NRXN3: variants seen among roughly 807,000 people sequenced by gnomAD.
NRXN3 encodes neurexin III.
A neutral mutation model predicts 137.6 loss-of-function variants in NRXN3; 32 were observed. That is an observed-to-expected ratio of 0.23 (90% CI 0.18 to 0.31). The LOEUF (loss-of-function observed/expected upper bound fraction) is 0.31. Ranked by LOEUF, NRXN3 falls within the 10% of genes least tolerant of loss-of-function variation. NRXN3 has a pLI of 1.00. For synonymous variants in NRXN3, 798 were observed against 784.5 expected, an observed-to-expected ratio of 1.02 and a Z score of -0.29; for missense variants, 1,574 against 2,062.5, an observed-to-expected ratio of 0.76 and a Z score of 4.59.
At chr14:78,963,904 T>A (rs1204046578) in intron 11 of NRXN3, among the ~76,000 whole-genome samples, 2 of 152,106 alleles carry the variant, frequency 1.3e-5, no homozygotes, top group East Asian at 3.9e-4. Context: ...TAGTTAGCAC[T>A]ATAGGTACAT....
At chr14:78,314,200 G>A (rs1320474757) in intron 4 of NRXN3, among the ~76,000 whole-genome samples, 1 of 152,184 alleles carries the variant, frequency 6.6e-6, no homozygotes, top group Admixed American at 6.5e-5. Flanking sequence ...CTTGTGGTTT[G>A]TTTCTCTGTT....
At chr14:79,444,675 T>A (rs1315146585) in intron 15 of NRXN3, among the ~76,000 whole-genome samples, 3 of 152,128 alleles carry the variant, frequency 2.0e-5, no homozygotes, top group African/African-American at 7.2e-5. Context: ...TTCCTTTTTT[T>A]AAATTAGCTG....
At chr14:79,676,974 G>A (rs1195012870) in intron 17 of NRXN3, among the ~76,000 whole-genome samples, 2 of 152,052 alleles carry the variant, frequency 1.3e-5, no homozygotes, top group Non-Finnish European at 2.9e-5. Context: ...ATATTAAACT[G>A]TACAACTGAG....
chr14:78,415,764 G>T (rs2093100936), intron 4 of NRXN3, among the ~76,000 whole-genome samples: 1 of 151,966 alleles, frequency 6.6e-6, no homozygotes, highest in Non-Finnish European at 1.5e-5. Flanking sequence ...CATGACATTG[G>T]AGCACTTATG....
At chr14:79,837,732 G>C (rs982518260) in intron 20 of NRXN3, among the ~76,000 whole-genome samples, 1 of 152,064 alleles carries the variant, frequency 6.6e-6, no homozygotes, top group African/African-American at 2.4e-5. Context: ...CTTGCTTTTG[G>C]ATTCTTTCTA....
chr14:78,836,261 C>T (rs138542487), intron 10 of NRXN3, among the ~76,000 whole-genome samples: 1 of 152,292 alleles, frequency 6.6e-6, no homozygotes, highest in East Asian at 1.9e-4. Flanking sequence ...TATTATCTGC[C>T]ATGATGGGGA....
chr14:78,705,140 A>T (rs934960588), intron 6 of NRXN3, among the ~76,000 whole-genome samples: 1 of 152,032 alleles, frequency 6.6e-6, no homozygotes, highest in African/African-American at 2.4e-5. Context: ...CCCCATGGGG[A>T]GCCGTTTCTA....
intron 15 of NRXN3, among the ~76,000 whole-genome samples, chr14:79,092,080 T>G (rs2049305476): frequency 6.6e-6 from 1 of 152,210 alleles, no homozygotes; most frequent in Non-Finnish European, 1.5e-5. Context: ...ATCTTAAGGT[T>G]GTTTATAATA....
intron 17 of NRXN3, among the ~76,000 whole-genome samples, chr14:79,683,429 T>A (rs1482473387): frequency 6.6e-6 from 1 of 152,172 alleles, no homozygotes; most frequent in Non-Finnish European, 1.5e-5. Flanking sequence ...ATAAATACCA[T>A]GCACAGTGTA....
At chr14:79,045,671 C>T (rs1245695652) in intron 15 of NRXN3, among the ~76,000 whole-genome samples, 1 of 152,194 alleles carries the variant, frequency 6.6e-6, no homozygotes, top group Non-Finnish European at 1.5e-5. Context: ...CTTATTGATG[C>T]TCAGAGAATT....
rs779978847 is a variant in NRXN3, at chr14:78,988,040, A to G, written c.3161A>G (p.Gln1054Arg). ...TTACTAGGACCCAGTACCACCTGCC[A>G]GGAAGATTCATGTGCCAACCAGGGG... ...RGCEGPSTTC[Q>R]EDSCANQGVC... The change falls in exon 15 of 21, where the codon CAG becomes CGG. Residue 1054 changes from glutamine (Q) to arginine (R), a missense_variant. Coordinates refer to ENST00000335750, the MANE Select transcript of NRXN3 (RefSeq NM_001330195.2). 3.1e-6 allele frequency: 5 copies of G among 1,613,698 alleles called. No homozygotes were observed. The highest frequency in any genetic ancestry group is 2.2e-5 in the East Asian group (1 of 44,846).
chr14:78,494,975 A>G (rs1161210948), intron 4 of NRXN3, among the ~76,000 whole-genome samples: 1 of 151,932 alleles, frequency 6.6e-6, no homozygotes, highest in Non-Finnish European at 1.5e-5. Flanking sequence ...GAAAAGCAGG[A>G]TGGATTGATT....
chr14:78,674,763 T>C (rs17757229), intron 6 of NRXN3, among the ~76,000 whole-genome samples: 28,355 of 152,188 alleles, frequency 0.19, 2,842 homozygotes, highest in South Asian at 0.25. Flanking sequence ...GTCTTCCAGG[T>C]CACATTAAAA....
intron 17 of NRXN3, among the ~76,000 whole-genome samples, chr14:79,664,983 G>A (rs1269507834): frequency 6.6e-6 from 1 of 152,126 alleles, no homozygotes; most frequent in East Asian, 1.9e-4. Flanking sequence ...AAAGAAGCTT[G>A]AAGCACATTT....
chr14:78,810,113 G>GTA (rs1229559862), intron 9 of NRXN3, among the ~76,000 whole-genome samples: 89 of 150,934 alleles, frequency 5.9e-4, no homozygotes, highest in African/African-American at 1.8e-3. Context: ...GTGTGTGTGT[G>GTA]TATATATATA....
intron 15 of NRXN3, among the ~76,000 whole-genome samples, chr14:79,052,365 A>G (rs1168276169): frequency 6.6e-6 from 1 of 152,234 alleles, no homozygotes; most frequent in Non-Finnish European, 1.5e-5. Flanking sequence ...ATGTTGTTAC[A>G]AAGAACTAAA....
chr14:79,101,551 C>T (rs1173707134), intron 15 of NRXN3, among the ~76,000 whole-genome samples: 2 of 152,124 alleles, frequency 1.3e-5, no homozygotes, highest in African/African-American at 4.8e-5. Flanking sequence ...TTGAAGTACT[C>T]CCACTCCAGG....
chr14:79,550,648 G>A (rs903796139), intron 16 of NRXN3, among the ~76,000 whole-genome samples: 1 of 152,136 alleles, frequency 6.6e-6, no homozygotes, highest in African/African-American at 2.4e-5. Context: ...GCTCAGGAAA[G>A]TCAGAAAGGC....
chr14:78,597,816 G>T (rs941047848), intron 4 of NRXN3, among the ~76,000 whole-genome samples: 12 of 152,170 alleles, frequency 7.9e-5, no homozygotes, highest in Admixed American at 3.9e-4. Flanking sequence ...CAGTGGCCAT[G>T]AGTCAAGGGG....
Sources: allele counts gnomAD v4.1 joint callset (sites outside exome capture counted in the v4.1 genomes callset), GRCh38; gene constraint gnomAD v4.1.1; transcripts MANE v1.5; gene names NCBI Gene and HGNC (gene_info 2026-07-23, HGNC 2026-07-21).